CSMD1: variants seen among roughly 807,000 people sequenced by gnomAD.
CSMD1 encodes CUB and sushi domain-containing protein 1.
A neutral mutation model predicts 417.5 loss-of-function variants in CSMD1; 213 were observed. That is an observed-to-expected ratio of 0.51 (90% CI 0.46 to 0.57). CSMD1 has a LOEUF of 0.57. Among genes scored for constraint, CSMD1 ranks in the 20% least tolerant of loss-of-function variants. The pLI is 0.00. For synonymous variants in CSMD1, 2,862 were observed against 1,736.8 expected, an observed-to-expected ratio of 1.65 and a Z score of -16.11; for missense variants, 6,923 against 4,529.7, an observed-to-expected ratio of 1.53 and a Z score of -15.17.
rs144902336 is a variant in CSMD1, at chr8:3,777,762, G to C, written c.819-23720C>G. ...ACCTGCAGCCTCCTTGAAGTGCAGA[G>C]TCTCAGTTCCCACTCCAGACCCACA... On this transcript the variant is annotated intron_variant, in intron 5 of 69. Transcript: ENST00000635120. 3.3e-4 allele frequency among the ~76,000 whole-genome samples: 31 copies of C among 92,908 alleles called. 1 individual carries two copies. Among genetic ancestry groups the C allele is most frequent in the African/African-American group, 1.6e-3 (28 of 18,036 alleles). 61.0% of individuals were successfully genotyped at this position (92,908 alleles called of 152,430 possible).
intron 10 of CSMD1, among the ~76,000 whole-genome samples, chr8:3,535,140 G>C (rs1341200676): frequency 1.3e-5 from 2 of 151,604 alleles, no homozygotes; most frequent in African/African-American, 4.9e-5. Context: ...TTTATATAGA[G>C]ACAGGGTCTC....
intron 2 of CSMD1, among the ~76,000 whole-genome samples, chr8:4,518,866 C>A (rs1253929794): frequency 6.6e-6 from 1 of 151,912 alleles, no homozygotes; most frequent in Non-Finnish European, 1.5e-5. Flanking sequence ...AATACAGAGC[C>A]AATACTCTTC....
intron 2 of CSMD1, among the ~76,000 whole-genome samples, chr8:4,587,985 A>G (rs968010191): frequency 6.6e-6 from 1 of 152,208 alleles, no homozygotes; most frequent in Non-Finnish European, 1.5e-5. Context: ...TCAACTAGCT[A>G]CTTTCCTGAA....
At chr8:3,849,232 G>C (rs1217316280) in intron 5 of CSMD1, among the ~76,000 whole-genome samples, 2 of 152,058 alleles carry the variant, frequency 1.3e-5, no homozygotes, top group East Asian at 1.9e-4. Context: ...ATGGAAAAGA[G>C]GAATAAAACG....
chr8:4,793,358 T>C (rs1441618226), intron 1 of CSMD1, among the ~76,000 whole-genome samples: 2 of 152,162 alleles, frequency 1.3e-5, no homozygotes, highest in Non-Finnish European at 1.5e-5. Context: ...ACTACACTGA[T>C]ATCATTTTGA....
At chr8:3,097,284 A>G (rs545864638) in intron 46 of CSMD1, among the ~76,000 whole-genome samples, 293 of 152,248 alleles carry the variant, frequency 1.9e-3, no homozygotes, top group Non-Finnish European at 2.9e-3. Context: ...TGCATCTCCC[A>G]CACACCTTAA....
rs116258659 is a variant in CSMD1, at chr8:4,362,718, C to T, written c.415+57235G>A. 4.9e-3 allele frequency among the ~76,000 whole-genome samples: 739 copies of T among 152,272 alleles called. 7 individuals are homozygous for T. Among genetic ancestry groups the T allele is most frequent in the African/African-American group, 0.016 (680 of 41,566 alleles). On this transcript the variant is annotated intron_variant, in intron 3 of 69. Coordinates refer to ENST00000635120, the MANE Select transcript of CSMD1 (RefSeq NM_033225.6). ...TGATAAGATTTGTAAGAGAAAAGGA[C>T]TTTCTTTACATTGTTGTGTAATCAG...
intron 3 of CSMD1, among the ~76,000 whole-genome samples, chr8:4,357,986 A>G (rs540831592): frequency 6.6e-6 from 1 of 152,310 alleles, no homozygotes; most frequent in South Asian, 2.1e-4. Context: ...AAGATGTATA[A>G]TAAACATCTC....
At chr8:3,420,049 G>C (rs145693744) in intron 12 of CSMD1, among the ~76,000 whole-genome samples, 1 of 151,732 alleles carries the variant, frequency 6.6e-6, no homozygotes, top group Non-Finnish European at 1.5e-5. Flanking sequence ...TAGAGCCCAG[G>C]GTATATTAAG....
chr8:4,384,597 C>G (rs556181690), intron 3 of CSMD1, among the ~76,000 whole-genome samples: 153 of 152,162 alleles, frequency 1.0e-3, no homozygotes, highest in African/African-American at 3.7e-3. Context: ...GCATACATTT[C>G]TGGAAGAAAA....
chr8:3,757,859 A>ACAAG (rs1376597905), intron 5 of CSMD1, among the ~76,000 whole-genome samples: 2 of 150,900 alleles, frequency 1.3e-5, no homozygotes, highest in Non-Finnish European at 3.0e-5. Context: ...CAAAAAACAA[A>ACAAG]CAAACAAACA....
chr8:4,703,414 G>T (rs148021810), intron 1 of CSMD1, among the ~76,000 whole-genome samples: 2 of 152,252 alleles, frequency 1.3e-5, no homozygotes, highest in East Asian at 1.9e-4. Flanking sequence ...TCTGTCACCT[G>T]TAATTTCGTA....
At chr8:3,681,856 G>C (rs567089159) in intron 7 of CSMD1, among the ~76,000 whole-genome samples, 32 of 152,188 alleles carry the variant, frequency 2.1e-4, no homozygotes, top group Non-Finnish European at 3.7e-4. Context: ...TAGACCAATG[G>C]AACAGAACAG....
chr8:4,070,397 G>T (rs367559924), intron 3 of CSMD1, among the ~76,000 whole-genome samples: 2 of 152,080 alleles, frequency 1.3e-5, no homozygotes, highest in East Asian at 1.9e-4. Flanking sequence ...TCGCTGTGTC[G>T]CCCAGGCTGG....
intron 12 of CSMD1, among the ~76,000 whole-genome samples, chr8:3,466,841 T>G (rs950858937): frequency 6.6e-6 from 1 of 152,336 alleles, no homozygotes; most frequent in South Asian, 2.1e-4. Context: ...TCTTCAACTG[T>G]TAGCTTAATA....
chr8:3,610,610 C>T (rs1341579670), intron 8 of CSMD1, among the ~76,000 whole-genome samples: 1 of 152,148 alleles, frequency 6.6e-6, no homozygotes, highest in Non-Finnish European at 1.5e-5. Context: ...CTACACAATC[C>T]TAAGCTACCA....
chr8:3,364,992 T>A (rs143574026), intron 20 of CSMD1, among the ~76,000 whole-genome samples: 1 of 152,198 alleles, frequency 6.6e-6, no homozygotes, highest in African/African-American at 2.4e-5. Flanking sequence ...AGAAGTGAAC[T>A]GTAACAGACT....
chr8:3,280,230 GC>G (rs1350814511), intron 26 of CSMD1, among the ~76,000 whole-genome samples: 2 of 152,158 alleles, frequency 1.3e-5, no homozygotes, highest in Admixed American at 6.5e-5. Flanking sequence ...TAGATTTGGG[GC>G]CAAAGGGAAA....
chr8:4,725,879 C>T (rs1731494299), intron 1 of CSMD1, among the ~76,000 whole-genome samples: 1 of 152,058 alleles, frequency 6.6e-6, no homozygotes, highest in Non-Finnish European at 1.5e-5. Flanking sequence ...TCTTGTAGAC[C>T]CTGGTTGTGG....
Sources: allele counts gnomAD v4.1 joint callset (sites outside exome capture counted in the v4.1 genomes callset), GRCh38; gene constraint gnomAD v4.1.1; transcripts MANE v1.5; gene names NCBI Gene and HGNC (gene_info 2026-07-23, HGNC 2026-07-21).